RANBP2: variants seen among roughly 807,000 people sequenced by gnomAD.
RANBP2 encodes E3 SUMO-protein ligase RanBP2.
Under a neutral mutation model 303.6 loss-of-function variants are expected in RANBP2, and 57 were observed. The observed-to-expected ratio is 0.19, with a 90% CI of 0.15 to 0.23. The LOEUF is 0.23. Ranked by LOEUF, RANBP2 falls within the 10% of genes least tolerant of loss-of-function variation. The pLI is 1.00. For missense variants in RANBP2, 3,138 were observed against 3,780.8 expected (o/e 0.83, Z 4.46); for synonymous variants, 1,167 against 1,301.5 (o/e 0.90, Z 2.23).
At chr2:109,522,852 G>C in the RANBP2 span, among the ~76,000 whole-genome samples, 1 of 152,236 alleles carries the variant, frequency 6.6e-6, no homozygotes, top group Non-Finnish European at 1.5e-5. Context: ...GCACGTGGCA[G>C]CCAGACTTAA....
chr2:109,234,996 A>G, the RANBP2 span, among the ~76,000 whole-genome samples: 1 of 152,168 alleles, frequency 6.6e-6, no homozygotes, highest in Non-Finnish European at 1.5e-5. Flanking sequence ...ACTATGGCAT[A>G]TCTTTATCTG....
the RANBP2 span, among the ~76,000 whole-genome samples, chr2:109,591,144 A>AT: frequency 6.6e-6 from 1 of 152,144 alleles, no homozygotes; most frequent in Non-Finnish European, 1.5e-5. Context: ...TTATCTTCAT[A>AT]TTTTTTTAAA....
chr2:109,794,702 G>C, the RANBP2 span: 1 of 728,120 alleles, frequency 1.4e-6, no homozygotes, highest in East Asian at 1.9e-4. Flanking sequence ...GGCGCCGGCC[G>C]GCTGGCGCAG....
chr2:109,507,247 C>A, the RANBP2 span, among the ~76,000 whole-genome samples: 1 of 152,206 alleles, frequency 6.6e-6, no homozygotes, highest in Non-Finnish European at 1.5e-5. Context: ...CACCCCCCTT[C>A]CCGAGCCGGC....
the RANBP2 span, among the ~76,000 whole-genome samples, chr2:109,212,511 G>A: frequency 1.3e-5 from 2 of 152,214 alleles, no homozygotes; most frequent in Admixed American, 6.5e-5. Context: ...GCTCCAGGGA[G>A]GTTGGCTTGA....
chr2:109,548,190 A>C, the RANBP2 span, among the ~76,000 whole-genome samples: 5 of 152,130 alleles, frequency 3.3e-5, no homozygotes, highest in African/African-American at 7.2e-5. Context: ...AAAAAAAAAA[A>C]ACTAGGGTCT....
chr2:109,465,849 C>A, the RANBP2 span, among the ~76,000 whole-genome samples: 1 of 152,134 alleles, frequency 6.6e-6, no homozygotes, highest in African/African-American at 2.4e-5. Flanking sequence ...CTCACTGTCA[C>A]AGGGAGGGCA....
the RANBP2 span, among the ~76,000 whole-genome samples, chr2:109,182,912 A>G: frequency 6.6e-6 from 1 of 152,166 alleles, no homozygotes; most frequent in East Asian, 1.9e-4. Context: ...TATTTCATAA[A>G]ATAACTTAAA....
At chr2:109,276,620 A>C in the RANBP2 span, among the ~76,000 whole-genome samples, 1 of 152,226 alleles carries the variant, frequency 6.6e-6, no homozygotes, top group Admixed American at 6.5e-5. Context: ...TTGTTTTGCC[A>C]TGGTGCTTTG....
chr2:109,465,280 AC>A, the RANBP2 span, among the ~76,000 whole-genome samples: 3 of 152,230 alleles, frequency 2.0e-5, no homozygotes, highest in African/African-American at 7.2e-5. Context: ...GCCGCTATAA[AC>A]ATCTTGTGTG....
chr2:108,990,429 C>A, the RANBP2 span, among the ~76,000 whole-genome samples: 1 of 131,596 alleles, frequency 7.6e-6, no homozygotes, highest in Admixed American at 7.7e-5. Context: ...CAGAGCGAGA[C>A]TCCGTCTCAA....
chr2:109,249,583 CCTTTCCTTT>C, the RANBP2 span, among the ~76,000 whole-genome samples: 1 of 84,402 alleles, frequency 1.2e-5, no homozygotes, highest in Admixed American at 1.3e-4. Flanking sequence ...TTCCTTCCTT[CCTTTCCTTT>C]CTTTCTTTTT....
the RANBP2 span, among the ~76,000 whole-genome samples, chr2:109,695,851 G>C: frequency 2.6e-5 from 4 of 152,068 alleles, no homozygotes; most frequent in Non-Finnish European, 4.4e-5. Flanking sequence ...TTGTTGTTAG[G>C]CCACAGTTTT....
At position 108,784,227 on chromosome 2, in the gene RANBP2, C is replaced by G. The variant is rs919417842; in HGVS notation, c.*326C>G. 4 of 209,782 alleles carry G rather than the reference C, an allele frequency of 1.9e-5. No individual in the cohort carries two copies. The East Asian group carries it at 4.8e-4, about 25-fold the overall frequency. The allele number at this position is 209,782 out of a possible 1,614,324, so 13.0% of individuals were successfully genotyped here. On this transcript the variant is annotated 3_prime_UTR_variant, in exon 29 of 29. Transcript: ENST00000283195. Reference sequence around the variant, plus strand: ...TGATATATGCAATTTAATTTTAATTCCTTTTAAGATATTTGGACTTCCTGC... The same window carrying G: ...TGATATATGCAATTTAATTTTAATTGCTTTTAAGATATTTGGACTTCCTGC...
chr2:109,357,706 T>C, the RANBP2 span, among the ~76,000 whole-genome samples: 1 of 152,354 alleles, frequency 6.6e-6, no homozygotes, highest in East Asian at 1.9e-4. Flanking sequence ...TAGGGCACTG[T>C]AGTTTGCTCA....
chr2:109,499,815 G>T, the RANBP2 span, among the ~76,000 whole-genome samples: 1 of 152,206 alleles, frequency 6.6e-6, no homozygotes, highest in Admixed American at 6.5e-5. Context: ...CCGGACACTA[G>T]TGAAAGTAGT....
chr2:109,589,736 C>CAA, the RANBP2 span, among the ~76,000 whole-genome samples: 35 of 151,082 alleles, frequency 2.3e-4, no homozygotes, highest in Admixed American at 1.5e-3. Context: ...ATTATATAGC[C>CAA]AAAAAAAACC....
chr2:109,419,358 G>T, the RANBP2 span, among the ~76,000 whole-genome samples: 1 of 152,194 alleles, frequency 6.6e-6, no homozygotes, highest in East Asian at 1.9e-4. Context: ...CTCAGGGCAG[G>T]GGTCCCGGGC....
chr2:108,769,036 A>G (rs931181755), intron 20 of RANBP2, among the ~76,000 whole-genome samples: 5 of 149,798 alleles, frequency 3.3e-5, no homozygotes, highest in Non-Finnish European at 5.9e-5. Flanking sequence ...TTTGTCTCCA[A>G]AAAAAAAAAA....
Sources: gnomAD v4.1 joint callset for allele counts (sites outside exome capture counted in the v4.1 genomes callset) on GRCh38, gnomAD v4.1.1 for gene constraint, MANE v1.5 for transcripts, NCBI Gene and HGNC (gene_info 2026-07-23, HGNC 2026-07-21) for gene names.